The following SLC44A2 variants were observed in gnomAD, a reference collection of about 807,000 sequenced individuals.
The protein encoded by SLC44A2 is solute carrier family 44 member 2 (CTL2 blood group).
In SLC44A2, 57 loss-of-function variants were observed where a neutral mutation model predicts 90.8. The ratio of observed to expected loss-of-function variants is 0.63; its 90% CI spans 0.51 to 0.78. SLC44A2 has a LOEUF of 0.78. Among genes scored for constraint, SLC44A2 ranks in the 30% least tolerant of loss-of-function variants. The pLI, the probability that SLC44A2 is intolerant of heterozygous loss-of-function variation, is 0.00. For missense variants in SLC44A2, 794 were observed against 919.7 expected, an observed-to-expected ratio of 0.86 and a Z score of 1.77; for synonymous variants, 355 against 360.7, an observed-to-expected ratio of 0.98 and a Z score of 0.18.
rs2067046470 is a variant in SLC44A2, at chr19:10,635,655, C to G, written c.1233+140C>G. 4.1e-6 allele frequency: 3 copies of G among 736,532 alleles called. No homozygotes were observed. In the Admixed American group the frequency reaches 8.4e-5, roughly 21 times the overall value. The allele number at this position is 736,532 out of a possible 1,614,324, so 45.6% of individuals were successfully genotyped here. A position where few individuals can be genotyped will look rare whatever the true frequency, so the allele number is the denominator to read the frequency against. On this transcript the variant is annotated intron_variant, in intron 14 of 21. Transcript: ENST00000335757. ...TGTGCTAGGTGTGGGGGAGGACGCA[C>G]AGTGGGGAAGAGACTCTCTAACTGG...
intron 2 of SLC44A2, among the ~76,000 whole-genome samples, chr19:10,627,123 C>A (rs2066942199): frequency 6.6e-6 from 1 of 152,118 alleles, no homozygotes; most frequent in African/African-American, 2.4e-5. Context: ...GAGTTCGAGA[C>A]CAGCCTGGCT....
chr19:10,642,835 C>G, intron 21 of SLC44A2: 1 of 1,508,326 alleles, frequency 6.6e-7, no homozygotes, highest in Non-Finnish European at 8.8e-7. Flanking sequence ...TCCCTGCCTC[C>G]CTCTTTCCCT....
intron 1 of SLC44A2, among the ~76,000 whole-genome samples, chr19:10,620,249 G>T (rs1384904051): frequency 6.6e-6 from 1 of 152,130 alleles, no homozygotes; most frequent in Non-Finnish European, 1.5e-5. Context: ...GGGAGGCTGA[G>T]GTGGGCGGAT....
chr19:10,633,919 C>A (rs1406634268), intron 10 of SLC44A2, among the ~76,000 whole-genome samples: 1 of 150,244 alleles, frequency 6.7e-6, no homozygotes. Flanking sequence ...GGGCGGATCA[C>A]CTGAGGTTGG....
In SLC44A2 at chr19:10,637,645, T is replaced by G; in HGVS notation, c.1593T>G (p.Ala531=). 6.2e-7 allele frequency: 1 copy of G among 1,613,520 alleles called. No homozygotes were observed. Among genetic ancestry groups the G allele is most frequent in the Middle Eastern group, 1.7e-4 (1 of 6,036 alleles). The change falls in exon 17 of 22, where the codon GCT becomes GCG. Residue 531 remains alanine (A), a splice_region_variant and synonymous_variant. Transcript: ENST00000335757. ...CACATCCCTTCCCTTCTCTTCCAGC[T>G]GCAGAGAACAAGTTTGCCAAGTGCC... is the stretch of plus-strand genomic sequence containing the variant. ...ILEYLDQRLK[A]AENKFAKCLM...
upstream of SLC44A2, chr19:10,602,488 G>A: frequency 8.2e-7 from 1 of 1,225,106 alleles, no homozygotes. Context: ...GCCCGGGCTG[G>A]GGTCGCGCTG....
chr19:10,638,269 T>A lies in SLC44A2; in HGVS notation c.1883T>A (p.Val628Glu). ...TTCTTCACCCACCGTATCAGGATCGTGCAGGATACAGCACCACCCCTCAAT... is the reference window on the plus strand; with the variant it reads ...TTCTTCACCCACCGTATCAGGATCGAGCAGGATACAGCACCACCCCTCAAT... Reference protein sequence around the residue: ...FFFFTHRIRIVQDTAPPLNYY... With the variant: ...FFFFTHRIRIEQDTAPPLNYY... Residue 628 changes from valine to glutamate, a missense_variant, in exon 20 of 22, where the codon GTG becomes GAG. Physicochemically the swap from Val to Glu is moderately radical, Grantham distance 121. Around this residue, in one of 3 missense-constraint regions of SLC44A2, gnomAD observed 738 missense variants for 841.1 expected, o/e 0.88. Transcript: ENST00000335757. 6.2e-7 allele frequency: 1 copy of A among 1,614,138 alleles called. No homozygotes were observed. The highest frequency in any genetic ancestry group is 1.1e-5 in the South Asian group (1 of 91,086).
rs569203356 is a variant in SLC44A2 at position 10,634,357 on chromosome 19, G to A, written c.824-399G>A. 4.6e-5 allele frequency among the ~76,000 whole-genome samples: 7 copies of A among 151,486 alleles called. No individual in the cohort carries two copies. In the East Asian group the frequency reaches 7.9e-4, roughly 17 times the overall value. On this transcript the variant is annotated intron_variant, in intron 10 of 21. Transcript: ENST00000335757. ...CGCATGCCTGTAATCCCAGCTGCTC[G>A]GGAAGCTGAGGCAGGAGAATCGCTT...
upstream of SLC44A2, among the ~76,000 whole-genome samples, chr19:10,622,810 G>A (rs1048650047): frequency 6.6e-6 from 1 of 152,208 alleles, no homozygotes; most frequent in Non-Finnish European, 1.5e-5. Flanking sequence ...GCTGAGGTGG[G>A]AGGATCGCCT....
chr19:10,636,339 A>G lies in SLC44A2; in HGVS notation c.1250A>G (p.Asn417Ser), dbSNP rs1568453698. Residue 417 changes from asparagine to serine, a missense_variant, in exon 15 of 22, where the codon AAT (asparagine) becomes AGT (serine). Physicochemically the swap from Asn to Ser is conservative, Grantham distance 46. Around this residue, in one of 3 missense-constraint regions of SLC44A2, gnomAD observed 738 missense variants for 841.1 expected, o/e 0.88. Coordinates refer to ENST00000335757, the MANE Select transcript of SLC44A2 (RefSeq NM_020428.4). ...TCNPETFPSS[N>S]ESRQCPNARC... is the part of the protein sequence containing the mutation. ...CTCCCACAGACCTTCCCCTCCTCCAATGAGTCCCGCCAATGCCCCAATGCC... is the reference window on the plus strand; with the variant it reads ...CTCCCACAGACCTTCCCCTCCTCCAGTGAGTCCCGCCAATGCCCCAATGCC... The G allele has an allele frequency of 1.4e-5, 22 of 1,610,754 alleles. No individual in the cohort carries two copies. Among genetic ancestry groups the G allele is most frequent in the South Asian group, 3.3e-5 (3 of 90,926 alleles).
chr19:10,636,879 C>G (rs1480101777), intron 16 of SLC44A2, 123 bp downstream of exon 16: 6 of 1,028,906 alleles, frequency 5.8e-6, no homozygotes, highest in Non-Finnish European at 8.4e-6. Flanking sequence ...GGGTTTCTGT[C>G]TATGACGGGG....
Position 10,632,028 on chromosome 19 carries a change from GTTTTC to G in SLC44A2, c.711-10_711-6del. The stretch of plus-strand genomic sequence containing the variant: ...CTGAGGGTGGAGTCTGTTCATGACC[GTTTTC>G]TTTTCCCCAGAGGCCTGGTCATTGC... On this transcript the variant is annotated splice_polypyrimidine_tract_variant and intron_variant, in intron 9 of 21. Transcript: ENST00000335757. The G allele has an allele frequency of 6.2e-7, 1 of 1,613,908 alleles. No homozygotes were observed. Among genetic ancestry groups the G allele is most frequent in the Non-Finnish European group, 8.5e-7 (1 of 1,179,780 alleles).
chr19:10,627,867 A>C, intron 3 of SLC44A2, 53 bp from the exon 4 acceptor site: 1 of 1,611,954 alleles, frequency 6.2e-7, no homozygotes, highest in Non-Finnish European at 8.5e-7. Context: ...GAGTGGGAAC[A>C]GGGCTGGATC....
intron 10 of SLC44A2, among the ~76,000 whole-genome samples, chr19:10,633,970 T>G (rs1287092088): frequency 2.1e-5 from 2 of 97,010 alleles, no homozygotes; most frequent in African/African-American, 1.0e-4. Context: ...AAACCCCATC[T>G]CTATTTTTTT....
At chr19:10,621,415 G>A (rs1359089874), upstream of SLC44A2, among the ~76,000 whole-genome samples, 2 of 134,504 alleles carry the variant, frequency 1.5e-5, no homozygotes, top group Non-Finnish European at 3.1e-5. Flanking sequence ...GAAAGGGATG[G>A]TTGGGTGTTT....
upstream of SLC44A2, chr19:10,602,478 G>T: frequency 3.4e-6 from 4 of 1,179,200 alleles, no homozygotes; most frequent in East Asian, 3.7e-5. Context: ...CCTCCCGCCC[G>T]CCCGGGCTGG....
chr19:10,631,581 C>T (rs1213573976), intron 7 of SLC44A2, 45 bp from the exon 8 acceptor site: 1 of 1,614,028 alleles, frequency 6.2e-7, no homozygotes, highest in Admixed American at 1.7e-5. Flanking sequence ...CGGGGAGGCT[C>T]TGCAGAGGCT....
chr19:10,617,404 C>G (rs1287596523), intron 1 of SLC44A2, among the ~76,000 whole-genome samples: 1 of 152,196 alleles, frequency 6.6e-6, no homozygotes, highest in African/African-American at 2.4e-5. Context: ...AATGTTCCCT[C>G]TTTACAGAGA....
upstream of SLC44A2, chr19:10,625,216 G>C: frequency 5.3e-6 from 1 of 189,530 alleles, no homozygotes; most frequent in Non-Finnish European, 1.1e-5. Context: ...TCCACAGTTG[G>C]TTGTCTGGGT....
Sources: allele counts gnomAD v4.1 joint callset (sites outside exome capture counted in the v4.1 genomes callset), GRCh38; gene constraint gnomAD v4.1.1; regional missense constraint gnomAD v4.1.1; transcripts MANE v1.5; gene names NCBI Gene and HGNC (gene_info 2026-07-23, HGNC 2026-07-21).